Variants in PPP3CA observed in about 807,000 individuals in gnomAD.
The protein encoded by PPP3CA is CAM-PRP catalytic subunit.
Under a neutral mutation model 66.5 loss-of-function variants are expected in PPP3CA, and 14 were observed. That is an observed-to-expected ratio of 0.21 (90% confidence interval 0.14 to 0.33). PPP3CA has a LOEUF of 0.33. Among genes scored for constraint, PPP3CA ranks in the 10% least tolerant of loss-of-function variants. The pLI, the probability that PPP3CA is intolerant of heterozygous loss-of-function variation, is 1.00. For synonymous variants in PPP3CA, 232 were observed against 226.2 expected, an observed-to-expected ratio of 1.03 and a Z score of -0.23; for missense variants, 317 against 639.5, an observed-to-expected ratio of 0.50 and a Z score of 5.44.
In PPP3CA at chr4:101,029,094, C is replaced by A. The variant is rs1172986296; in HGVS notation, c.1369+72G>T. 9 of 1,446,348 alleles carry A rather than the reference C, an allele frequency of 6.2e-6. No individual in the cohort carries two copies. The African/African-American group carries it at 8.5e-5, about 14-fold the overall frequency. The allele number at this position is 1,446,348 out of a possible 1,614,324, so 89.6% of individuals were successfully genotyped here. On this transcript the variant is annotated intron_variant, in intron 13 of 13. Coordinates refer to ENST00000394854, the MANE Select transcript of PPP3CA (RefSeq NM_000944.5). The stretch of plus-strand genomic sequence containing the variant: ...CCCACACACTCTGTACAAGCTACAG[C>A]AAAAAAATGAATACACCCAGCAGAG...
At chr4:101,288,162 T>C (rs1272776424) in intron 1 of PPP3CA, among the ~76,000 whole-genome samples, 3 of 152,152 alleles carry the variant, frequency 2.0e-5, no homozygotes, top group Non-Finnish European at 4.4e-5. Context: ...AACTTAAGGC[T>C]ATATCTGAAG....
At chr4:101,213,182 TAAGGA>T (rs770166197) in intron 1 of PPP3CA, among the ~76,000 whole-genome samples, 1 of 152,284 alleles carries the variant, frequency 6.6e-6, no homozygotes, top group Non-Finnish European at 1.5e-5. Context: ...ATAGTTTTTT[TAAGGA>T]AAGGACATAC....
intron 1 of PPP3CA, among the ~76,000 whole-genome samples, chr4:101,272,200 A>G (rs1727357603): frequency 6.6e-6 from 1 of 152,142 alleles, no homozygotes; most frequent in African/African-American, 2.4e-5. Flanking sequence ...AATACTACAT[A>G]CCACTTATTG....
chr4:101,061,293 A>C (rs1330695322), intron 9 of PPP3CA, 132 bp from the exon 10 acceptor site: 13 of 713,116 alleles, frequency 1.8e-5, no homozygotes, highest in Non-Finnish European at 2.6e-5. Flanking sequence ...CAGTTTCAGT[A>C]AACATCCAGA....
chr4:101,115,459 T>C (rs1170589808), intron 2 of PPP3CA, among the ~76,000 whole-genome samples: 2 of 151,930 alleles, frequency 1.3e-5, no homozygotes, highest in Non-Finnish European at 2.9e-5. Flanking sequence ...AAGTGTTAGG[T>C]ATGCAAGTCT....
chr4:101,067,596 C>G (rs1560585743), intron 8 of PPP3CA, among the ~76,000 whole-genome samples: 2 of 144,562 alleles, frequency 1.4e-5, no homozygotes, highest in Non-Finnish European at 3.0e-5. Context: ...GCAACATGCT[C>G]TCTACAATTT....
intron 2 of PPP3CA, among the ~76,000 whole-genome samples, chr4:101,192,056 G>A (rs1411936893): frequency 6.6e-6 from 1 of 152,156 alleles, no homozygotes; most frequent in African/African-American, 2.4e-5. Context: ...TTACAAATGA[G>A]TGGAATGTTC....
intron 2 of PPP3CA, among the ~76,000 whole-genome samples, chr4:101,113,372 G>T (rs1023174519): frequency 6.6e-6 from 1 of 152,100 alleles, no homozygotes; most frequent in Admixed American, 6.6e-5. Context: ...CCTTCATTCT[G>T]TGTACTAGTA....
intron 1 of PPP3CA, among the ~76,000 whole-genome samples, chr4:101,214,202 C>A (rs1210249006): frequency 1.3e-5 from 2 of 152,138 alleles, no homozygotes; most frequent in African/African-American, 4.8e-5. Flanking sequence ...GGCTCTAAGA[C>A]TCCGATTACA....
chr4:101,101,633 A>G (rs1319905491), intron 3 of PPP3CA, among the ~76,000 whole-genome samples: 1 of 151,968 alleles, frequency 6.6e-6, no homozygotes, highest in Admixed American at 6.6e-5. Flanking sequence ...ACTTTTTTAA[A>G]GTTTTTTTTT....
intron 1 of PPP3CA, among the ~76,000 whole-genome samples, chr4:101,275,788 A>C (rs893026794): frequency 2.0e-5 from 3 of 149,896 alleles, no homozygotes; most frequent in Admixed American, 6.6e-5. Flanking sequence ...GTGCAAGGTC[A>C]CTTTTACATC....
chr4:101,076,387 G>A (rs1177723623), intron 8 of PPP3CA, among the ~76,000 whole-genome samples: 1 of 151,456 alleles, frequency 6.6e-6, no homozygotes, highest in Non-Finnish European at 1.5e-5. Context: ...GCTTTACAAT[G>A]TGTACCAAAA....
intron 2 of PPP3CA, among the ~76,000 whole-genome samples, chr4:101,141,410 T>C (rs942181133): frequency 3.9e-5 from 6 of 152,108 alleles, no homozygotes; most frequent in African/African-American, 1.4e-4. Context: ...CATATTTGAA[T>C]TGTGTTATGG....
At chr4:101,102,459 T>C (rs1353738647) in intron 3 of PPP3CA, among the ~76,000 whole-genome samples, 1 of 152,180 alleles carries the variant, frequency 6.6e-6, no homozygotes, top group Non-Finnish European at 1.5e-5. Flanking sequence ...AAGAATAAAA[T>C]ATCTTCCCAA....
chr4:101,126,973 C>G (rs1432251483), intron 2 of PPP3CA, among the ~76,000 whole-genome samples: 2 of 152,126 alleles, frequency 1.3e-5, no homozygotes, highest in Non-Finnish European at 2.9e-5. Context: ...AAGTGTAAGT[C>G]TACTGCTTAC....
Position 101,032,213 on chromosome 4 carries a change from GAC to G in PPP3CA, c.1339+52_1339+53del, listed in dbSNP as rs1726998972. 3.0e-6 allele frequency: 4 copies of G among 1,320,160 alleles called. No homozygotes were observed. In the African/African-American group the frequency reaches 4.6e-5, roughly 15 times the overall value. The allele number at this position is 1,320,160 out of a possible 1,614,324, so 81.8% of individuals were successfully genotyped here. A position where few individuals can be genotyped will look rare whatever the true frequency, so the allele number is the denominator to read the frequency against. On this transcript the variant is annotated intron_variant, in intron 12 of 13. Transcript: ENST00000394854. ...TGAATGAATAAATCAGGGCTCTAAT[GAC>G]ACAGCTGACTGCGATGCCCCAGCAC...
chr4:101,213,505 A>G (rs1725368456), intron 1 of PPP3CA, among the ~76,000 whole-genome samples: 1 of 152,144 alleles, frequency 6.6e-6, no homozygotes, highest in Admixed American at 6.6e-5. Flanking sequence ...TGGCTGCTCT[A>G]CAGGGCATAA....
intron 2 of PPP3CA, among the ~76,000 whole-genome samples, chr4:101,134,773 T>G (rs1183792529): frequency 4.6e-5 from 7 of 152,220 alleles, no homozygotes; most frequent in African/African-American, 1.7e-4. Flanking sequence ...TAAAGACACA[T>G]GCACACGTAT....
At chr4:101,087,979 T>A (rs1395686471) in intron 6 of PPP3CA, among the ~76,000 whole-genome samples, 1 of 152,164 alleles carries the variant, frequency 6.6e-6, no homozygotes, top group Non-Finnish European at 1.5e-5. Flanking sequence ...TGCAAAAATC[T>A]TCCCCAATGA....
Sources: allele counts gnomAD v4.1 joint callset (sites outside exome capture counted in the v4.1 genomes callset), GRCh38; gene constraint gnomAD v4.1.1; transcripts MANE v1.5; gene names NCBI Gene and HGNC (gene_info 2026-07-23, HGNC 2026-07-21).